Variants in PDE1A observed in about 807,000 individuals in gnomAD.
PDE1A encodes dual specificity calcium/calmodulin-dependent 3',5'-cyclic nucleotide phosphodiesterase 1A.
Under a neutral mutation model 61.7 loss-of-function variants are expected in PDE1A, and 35 were observed. The ratio of observed to expected loss-of-function variants is 0.57; its 90% CI spans 0.43 to 0.75. The LOEUF (loss-of-function observed/expected upper bound fraction) is 0.75. PDE1A is among the 30% of genes least tolerant of loss of function. The pLI is 0.00. For synonymous variants in PDE1A, 232 were observed against 213.2 expected, an observed-to-expected ratio of 1.09 and a Z score of -0.77; for missense variants, 597 against 630.6, an observed-to-expected ratio of 0.95 and a Z score of 0.57.
chr2:182,292,781 G>T (rs1233473401), intron 1 of PDE1A, among the ~76,000 whole-genome samples: 1 of 151,864 alleles, frequency 6.6e-6, no homozygotes, highest in Admixed American at 6.6e-5. Flanking sequence ...TTAAAAGTTT[G>T]ATGTTTCTCA....
chr2:182,272,112 G>A (rs959706439), intron 1 of PDE1A, among the ~76,000 whole-genome samples: 19 of 152,010 alleles, frequency 1.2e-4, no homozygotes, highest in African/African-American at 4.6e-4. Context: ...TTAGAGAGCC[G>A]GTTTGGGAGA....
intron 13 of PDE1A, among the ~76,000 whole-genome samples, chr2:182,170,575 C>T (rs934644932): frequency 3.3e-5 from 5 of 151,846 alleles, no homozygotes; most frequent in Admixed American, 2.0e-4. Flanking sequence ...TATATGAAAC[C>T]GTGAAAAGAA....
intron 1 of PDE1A, among the ~76,000 whole-genome samples, chr2:182,371,191 T>A (rs577252560): frequency 1.3e-5 from 2 of 152,166 alleles, no homozygotes; most frequent in Non-Finnish European, 2.9e-5. Context: ...AAAGTAGTTA[T>A]AAAATATGCA....
At chr2:182,324,464 A>G (rs958115884) in intron 1 of PDE1A, among the ~76,000 whole-genome samples, 4 of 152,188 alleles carry the variant, frequency 2.6e-5, no homozygotes, top group African/African-American at 9.6e-5. Context: ...ATAGTTACTT[A>G]GTTGTCATAA....
intron 2 of PDE1A, among the ~76,000 whole-genome samples, chr2:182,489,084 A>G (rs1479056198): frequency 2.6e-5 from 4 of 152,224 alleles, no homozygotes; most frequent in Non-Finnish European, 4.4e-5. Context: ...AAAAGTGGTC[A>G]AAGAGAGCTT....
chr2:182,667,107 T>C, the PDE1A span, among the ~76,000 whole-genome samples: 1 of 152,144 alleles, frequency 6.6e-6, no homozygotes, highest in Admixed American at 6.5e-5. Flanking sequence ...TAGGTAGAAA[T>C]CCATCACTCT....
the PDE1A span, among the ~76,000 whole-genome samples, chr2:182,676,572 A>T: frequency 6.6e-6 from 1 of 152,178 alleles, no homozygotes; most frequent in African/African-American, 2.4e-5. Context: ...CTGGGAGGCC[A>T]GCATCATCCT....
At chr2:182,543,266 C>T in the PDE1A span, among the ~76,000 whole-genome samples, 2 of 152,132 alleles carry the variant, frequency 1.3e-5, no homozygotes, top group Non-Finnish European at 2.9e-5. Context: ...CCCAAAAATG[C>T]CCTGGAAATG....
chr2:182,212,560 C>T (rs1423952667), intron 7 of PDE1A, among the ~76,000 whole-genome samples: 1 of 152,184 alleles, frequency 6.6e-6, no homozygotes, highest in Non-Finnish European at 1.5e-5. Flanking sequence ...TGGGTGCGCG[C>T]ACCGTGCGCA....
chr2:182,308,689 T>A (rs1023515125), intron 1 of PDE1A, among the ~76,000 whole-genome samples: 1 of 152,110 alleles, frequency 6.6e-6, no homozygotes, highest in Non-Finnish European at 1.5e-5. Context: ...CATCCAATTG[T>A]ATGTTTTTAT....
intron 2 of PDE1A, among the ~76,000 whole-genome samples, chr2:182,476,135 A>T (rs1175466525): frequency 6.6e-6 from 1 of 151,978 alleles, no homozygotes; most frequent in Non-Finnish European, 1.5e-5. Context: ...AAATATCACA[A>T]CAATAAATAT....
intron 13 of PDE1A, among the ~76,000 whole-genome samples, chr2:182,169,466 C>T (rs1423933284): frequency 6.6e-6 from 1 of 151,770 alleles, no homozygotes; most frequent in East Asian, 1.9e-4. Context: ...AATTATTGAT[C>T]ACAACAATGA....
intron 2 of PDE1A, among the ~76,000 whole-genome samples, chr2:182,462,173 G>T (rs992985682): frequency 6.6e-6 from 1 of 152,018 alleles, no homozygotes; most frequent in African/African-American, 2.4e-5. Flanking sequence ...GGGGAGCGGG[G>T]AGGGAAAGCA....
chr2:182,285,814 T>C (rs981626991), intron 1 of PDE1A, among the ~76,000 whole-genome samples: 3 of 152,102 alleles, frequency 2.0e-5, no homozygotes, highest in African/African-American at 4.8e-5. Context: ...CAGGCCCAGA[T>C]GATCTTAGCT....
intron 1 of PDE1A, among the ~76,000 whole-genome samples, chr2:182,382,480 C>G (rs890567001): frequency 1.3e-5 from 2 of 152,150 alleles, no homozygotes; most frequent in African/African-American, 4.8e-5. Context: ...CAGAGATTTT[C>G]CCAAAGCTTC....
chr2:182,260,068 T>G (rs1433932310), intron 2 of PDE1A, among the ~76,000 whole-genome samples: 1 of 152,224 alleles, frequency 6.6e-6, no homozygotes. Flanking sequence ...ATTCAGAAAC[T>G]TTTTATTTTT....
At chr2:182,282,260 C>G (rs1028795432) in intron 1 of PDE1A, among the ~76,000 whole-genome samples, 1 of 151,938 alleles carries the variant, frequency 6.6e-6, no homozygotes, top group African/African-American at 2.4e-5. Context: ...GTCTTGGCTA[C>G]CTTTCTGCTC....
At chr2:182,574,160 G>A in the PDE1A span, among the ~76,000 whole-genome samples, 1 of 151,852 alleles carries the variant, frequency 6.6e-6, no homozygotes, top group South Asian at 2.1e-4. Context: ...TGTAGGCTGG[G>A]AGGCTAGGCC....
intron 2 of PDE1A, among the ~76,000 whole-genome samples, chr2:182,513,879 T>A (rs897131263): frequency 3.3e-5 from 5 of 152,228 alleles, no homozygotes; most frequent in Non-Finnish European, 7.3e-5. Context: ...AATGTTTCAA[T>A]TCAGTAAGAA....
Sources: allele counts gnomAD v4.1 joint callset (sites outside exome capture counted in the v4.1 genomes callset), GRCh38; gene constraint gnomAD v4.1.1; transcripts MANE v1.5; gene names NCBI Gene and HGNC (gene_info 2026-07-23, HGNC 2026-07-21).